Variants in FBLN1 observed in about 807,000 individuals in gnomAD.
FBLN1 encodes the protein fibulin-1.
A neutral mutation model predicts 89.7 loss-of-function variants in FBLN1; 34 were observed. That is an observed-to-expected ratio of 0.38 (90% CI 0.29 to 0.50). The LOEUF is 0.50. FBLN1 is among the 20% of genes least tolerant of loss of function. The pLI is 0.92. For missense variants in FBLN1, 777 were observed against 988.1 expected, an observed-to-expected ratio of 0.79 and a Z score of 2.86; for synonymous variants, 393 against 391.3, an observed-to-expected ratio of 1.00 and a Z score of -0.05.
In FBLN1 at chr22:45,596,069, CCG is replaced by C. The variant is rs1301968230; in HGVS notation, c.1973-4237_1973-4236del. 2.6e-5 allele frequency among the ~76,000 whole-genome samples: 4 copies of C among 152,266 alleles called. No homozygotes were observed. In the East Asian group the frequency reaches 5.8e-4, roughly 22 times the overall value. ...TATTTTTAGTAGAGACGGGGTTTCA[CCG>C]TGTTAGCCAGGATGGTCTTGATCTC... On this transcript the variant is annotated intron_variant, in intron 16 of 16. Transcript: ENST00000327858.
intron 11 of FBLN1, among the ~76,000 whole-genome samples, chr22:45,543,927 CAGT>C (rs1434802963): frequency 2.0e-5 from 3 of 152,178 alleles, no homozygotes; most frequent in Non-Finnish European, 2.9e-5. Flanking sequence ...TGCACAAAGA[CAGT>C]GTGTGGGTTT....
chr22:45,554,889 G>C (rs554351985), intron 14 of FBLN1, among the ~76,000 whole-genome samples: 1 of 152,216 alleles, frequency 6.6e-6, no homozygotes, highest in African/African-American at 2.4e-5. Flanking sequence ...ATCCTGTAGC[G>C]GAAGATAATA....
chr22:45,571,733 T>C (rs888517305), intron 14 of FBLN1, among the ~76,000 whole-genome samples: 2 of 152,296 alleles, frequency 1.3e-5, no homozygotes, highest in African/African-American at 4.8e-5. Flanking sequence ...TGGTGTATAT[T>C]AGTTTTTAAA....
intron 5 of FBLN1, 31 bp from the exon 6 acceptor site, chr22:45,533,032 C>A: frequency 6.3e-7 from 1 of 1,588,690 alleles, no homozygotes; most frequent in Non-Finnish European, 8.6e-7. Flanking sequence ...TGGGTGCGTC[C>A]ATCCCTGGCT....
At chr22:45,566,429 T>C (rs558307113) in intron 14 of FBLN1, among the ~76,000 whole-genome samples, 1 of 152,306 alleles carries the variant, frequency 6.6e-6, no homozygotes, top group East Asian at 1.9e-4. Flanking sequence ...CTCACCCCTG[T>C]CCCGCAGCTC....
Position 45,534,292 on chromosome 22 carries a change from C to CAAAAAAAAAAAAAAAA in FBLN1, c.784+407_784+422dup, listed in dbSNP as rs136746. On this transcript the variant is annotated intron_variant, in intron 7 of 16. Transcript: ENST00000327858. ...TTCAGGTTCTCACATGTACTTTCTA[C>CAAAAAAAAAAAAAAAA]AAAAAAAAAAAAAAAAAAAAAAAAA... Among the ~76,000 whole-genome samples the CAAAAAAAAAAAAAAAA allele has an allele frequency of 5.2e-4, 43 of 83,224 alleles. 1 individual carries two copies. The highest frequency in any genetic ancestry group is 7.1e-4 in the Non-Finnish European group (33 of 46,772). The allele number at this position is 83,224 out of a possible 152,430, so 54.6% of individuals were successfully genotyped here. A position where few individuals can be genotyped will look rare whatever the true frequency, so the allele number is the denominator to read the frequency against.
In FBLN1 at chr22:45,557,517, T is replaced by C. The variant is rs1321934947; in HGVS notation, c.1697+6902T>C. On this transcript the variant is annotated intron_variant, in intron 14 of 16. Transcript: ENST00000327858. This position sits in a 1 kb window ranked among gnomAD's most constrained non-coding sequence, Gnocchi z 4.9. ...CTTGGTGAGTGGAAGTCCATGTTGC[T>C]GAGCCCATGTGTAACCTCCATCCCT... Among the ~76,000 whole-genome samples the C allele has an allele frequency of 6.6e-6, 1 of 152,204 alleles. No individual in the cohort carries two copies. Among genetic ancestry groups the C allele is most frequent in the Non-Finnish European group, 1.5e-5 (1 of 68,024 alleles).
intron 16 of FBLN1, among the ~76,000 whole-genome samples, chr22:45,598,492 A>G (rs2089204824): frequency 6.6e-6 from 1 of 152,224 alleles, no homozygotes; most frequent in African/African-American, 2.4e-5. Context: ...GGCCGCAGAC[A>G]CTGGGGAGCA....
At position 45,594,854 on chromosome 22, in the gene FBLN1, G is replaced by GTGGATGGA. The variant is rs112051341; in HGVS notation, c.1973-5444_1973-5437dup. ...AGTTGATGGATTGCTGAGTGGGTGGGTGGATGGATGGATGGACGGATGGAT... is the reference window on the plus strand; with the variant it reads ...AGTTGATGGATTGCTGAGTGGGTGGGTGGATGGATGGATGGATGGATGGACGGATGGAT... On this transcript the variant is annotated intron_variant, in intron 16 of 16. Coordinates refer to ENST00000327858, the MANE Select transcript of FBLN1 (RefSeq NM_006486.3). 1.9e-3 allele frequency among the ~76,000 whole-genome samples: 291 copies of GTGGATGGA among 150,894 alleles called. 3 individuals are homozygous for GTGGATGGA. The highest frequency in any genetic ancestry group is 5.5e-3 in the African/African-American group (225 of 40,844).
At chr22:45,528,094 A>G in intron 4 of FBLN1, 85 bp downstream of exon 4, 2 of 1,497,162 alleles carry the variant, frequency 1.3e-6, no homozygotes, top group East Asian at 2.3e-5. Context: ...AGAGAGAGAG[A>G]TTTTAAGGAC....
chr22:45,525,417 C>T (rs564874688), intron 2 of FBLN1, 126 bp from the exon 3 acceptor site: 12 of 860,598 alleles, frequency 1.4e-5, no homozygotes, highest in African/African-American at 1.2e-4. Flanking sequence ...CTGTGTATTT[C>T]TCTCTCTGTG....
At position 45,556,861 on chromosome 22, in the gene FBLN1, C is replaced by G. The variant is rs768914078; in HGVS notation, c.1697+6246C>G. 2.6e-5 allele frequency among the ~76,000 whole-genome samples: 4 copies of G among 152,110 alleles called. No individual in the cohort carries two copies. The highest frequency in any genetic ancestry group is 5.9e-5 in the Non-Finnish European group (4 of 68,024). On this transcript the variant is annotated intron_variant, in intron 14 of 16. Transcript: ENST00000327858. The surrounding 1 kb of genome is among the most constrained non-coding windows in gnomAD (Gnocchi z 4.6). ...AACGTAATGTTGCAGGAACAGGAAG[C>G]AAAAATTTTGCTAGTGGATCACTAG...
At chr22:45,533,407 G>T (rs1032368367) in intron 6 of FBLN1, among the ~76,000 whole-genome samples, 1 of 152,294 alleles carries the variant, frequency 6.6e-6, no homozygotes, top group South Asian at 2.1e-4. Flanking sequence ...GGTCTAACCA[G>T]GTTCCGGATC....
chr22:45,574,562 C>G lies in FBLN1; in HGVS notation c.1749C>G (p.Pro583=), dbSNP rs1243974999. Residue 583 remains proline (P), a synonymous_variant, in exon 15 of 17, where the codon CCC becomes CCG. Transcript: ENST00000327858. The surrounding 1 kb of genome is among the most constrained non-coding windows in gnomAD (Gnocchi z 4.1). ...DTVRCIKSCR[P]NDVTCVFDPV... ...TCCGCTGCATCAAGTCCTGCCGCCC[C>G]AACGATGTCACATGCGTGTTCGACC... 2.5e-6 allele frequency: 4 copies of G among 1,614,212 alleles called. No homozygotes were observed. Among genetic ancestry groups the G allele is most frequent in the Non-Finnish European group, 3.4e-6 (4 of 1,180,042 alleles).
At chr22:45,553,745 G>C (rs752438907) in intron 14 of FBLN1, among the ~76,000 whole-genome samples, 8 of 152,228 alleles carry the variant, frequency 5.3e-5, no homozygotes, top group Non-Finnish European at 1.0e-4. Flanking sequence ...TGTGGGGTCG[G>C]AGGGGGAGCC....
At chr22:45,523,306 C>A (rs543551753) in intron 2 of FBLN1, 18 of 588,532 alleles carry the variant, frequency 3.1e-5, no homozygotes, top group African/African-American at 2.9e-4. Flanking sequence ...GCTGAGGGGG[C>A]CATGAGATAG....
At chr22:45,541,593 A>G (rs1439275424) in intron 9 of FBLN1, among the ~76,000 whole-genome samples, 2 of 152,092 alleles carry the variant, frequency 1.3e-5, no homozygotes, top group African/African-American at 4.8e-5. Flanking sequence ...CCTGAGCCCA[A>G]AGCTCTCGCA....
In FBLN1 at chr22:45,576,363, A is replaced by G. The variant is rs1002194772; in HGVS notation, c.1841-614A>G. On this transcript the variant is annotated intron_variant, in intron 15 of 16. Coordinates refer to ENST00000327858, the MANE Select transcript of FBLN1 (RefSeq NM_006486.3). This position sits in a 1 kb window ranked among gnomAD's most constrained non-coding sequence, Gnocchi z 5.2. ...TTAGCATCTTGGGCCCAGGAAATCC[A>G]CACCCTGACCTTAAGTGCTGAAAGG... Among the ~76,000 whole-genome samples, 3 of 152,014 alleles carry G rather than the reference A, an allele frequency of 2.0e-5. No individual in the cohort carries two copies. Among genetic ancestry groups the G allele is most frequent in the African/African-American group, 7.2e-5 (3 of 41,384 alleles).
At chr22:45,558,389 T>C (rs1261217736) in intron 14 of FBLN1, 4 of 226,436 alleles carry the variant, frequency 1.8e-5, no homozygotes, top group African/African-American at 9.2e-5. Flanking sequence ...AAGAGCTGTC[T>C]CTCAAAAGGA....
Sources: allele counts gnomAD v4.1 joint callset (sites outside exome capture counted in the v4.1 genomes callset), GRCh38; gene constraint gnomAD v4.1.1; non-coding constraint Gnocchi (gnomAD v3.1); transcripts MANE v1.5; gene names NCBI Gene and HGNC (gene_info 2026-07-23, HGNC 2026-07-21).